The following VAV3 variants were observed in gnomAD, a reference collection of about 807,000 sequenced individuals.
The protein encoded by VAV3 is vav guanine nucleotide exchange factor 3.
Under a neutral mutation model 131.2 loss-of-function variants are expected in VAV3, and 94 were observed. The observed-to-expected ratio is 0.72, with a 90% confidence interval of 0.61 to 0.85. VAV3 has a LOEUF of 0.85. VAV3 is among the 40% of genes least tolerant of loss of function. VAV3 has a pLI of 0.00. For synonymous variants in VAV3, 349 were observed against 342.0 expected (o/e 1.02, Z -0.22); for missense variants, 939 against 1,002.7 (o/e 0.94, Z 0.86).
intron 1 of VAV3, among the ~76,000 whole-genome samples, chr1:107,958,888 A>G (rs766672763): frequency 5.9e-5 from 9 of 152,310 alleles, no homozygotes; most frequent in Non-Finnish European, 5.9e-5. Flanking sequence ...CATATACACA[A>G]GAGTACCATA....
chr1:107,738,244 A>C (rs1328871359), intron 15 of VAV3, among the ~76,000 whole-genome samples: 1 of 152,140 alleles, frequency 6.6e-6, no homozygotes, highest in South Asian at 2.1e-4. Context: ...TAGGAGAAAA[A>C]CCTAATGTAA....
rs544068647 is a variant in VAV3 at position 107,606,334 on chromosome 1, T to C, written c.2016-3171A>G. On this transcript the variant is annotated intron_variant, in intron 22 of 26. Coordinates refer to ENST00000370056, the MANE Select transcript of VAV3 (RefSeq NM_006113.5). ...TCAATACCATTTCTAATTCTTTGTA[T>C]GTTGCCTGATTTTTTTCTCCCTAGA... Among the ~76,000 whole-genome samples the C allele has an allele frequency of 9.2e-5, 14 of 152,340 alleles. No homozygotes were observed. The East Asian group carries it at 2.5e-3, about 27-fold the overall frequency.
chr1:107,877,563 T>A (rs1670563831), intron 1 of VAV3, among the ~76,000 whole-genome samples: 1 of 152,176 alleles, frequency 6.6e-6, no homozygotes, highest in African/African-American at 2.4e-5. Flanking sequence ...GCCTTCCCCT[T>A]ACTTCTGGAA....
In VAV3 at chr1:107,781,561, TAAAC is replaced by T. The variant is rs779958809; in HGVS notation, c.322-2073_322-2070del. Among the ~76,000 whole-genome samples the T allele has an allele frequency of 2.4e-4, 37 of 152,182 alleles. 1 individual carries two copies. The highest frequency in any genetic ancestry group is 4.3e-4 in the Non-Finnish European group (29 of 67,984). ...TAAAAAATTAAGAAAATTTGTTACA[TAAAC>T]AAAAGAGAAGGGAGCAAAACTCTTT... On this transcript the variant is annotated intron_variant, in intron 2 of 26. Transcript: ENST00000370056.
At position 107,964,825 on chromosome 1, in the gene VAV3, C is replaced by T; in HGVS notation, c.45G>A (p.Lys15=). Residue 15 remains lysine, a synonymous_variant, in exon 1 of 27, where the codon AAG becomes AAA. Coordinates refer to ENST00000370056, the MANE Select transcript of VAV3 (RefSeq NM_006113.5). ...KQCAQWLIHC[K]VLPTNHRVTW... is the part of the protein sequence containing the mutation. ...TCACCCGGTGGTTGGTGGGCAGCAC[C>T]TTGCAATGGATGAGCCACTGCGCGC... 6.2e-7 allele frequency: 1 copy of T among 1,613,704 alleles called. No individual in the cohort carries two copies. The highest frequency in any genetic ancestry group is 1.1e-5 in the South Asian group (1 of 91,036).
intron 15 of VAV3, among the ~76,000 whole-genome samples, chr1:107,731,029 T>G (rs1662209102): frequency 6.6e-6 from 1 of 152,204 alleles, no homozygotes; most frequent in South Asian, 2.1e-4. Flanking sequence ...AGAATCAGAT[T>G]GGGCATTATC....
intron 25 of VAV3, among the ~76,000 whole-genome samples, chr1:107,577,812 G>A (rs1326419209): frequency 6.6e-6 from 1 of 152,076 alleles, no homozygotes; most frequent in African/African-American, 2.4e-5. Context: ...AGGATTTTTT[G>A]GGAAAGAGAA....
chr1:107,854,043 T>G (rs1451011860), intron 2 of VAV3, among the ~76,000 whole-genome samples: 2 of 152,156 alleles, frequency 1.3e-5, no homozygotes, highest in Non-Finnish European at 2.9e-5. Context: ...GCATGGCAGC[T>G]CACGCCTGTA....
chr1:107,872,417 A>G (rs750403462), intron 2 of VAV3, among the ~76,000 whole-genome samples: 38 of 152,332 alleles, frequency 2.5e-4, no homozygotes, highest in African/African-American at 9.1e-4. Flanking sequence ...AGGAGAGCAC[A>G]CATAGATATT....
chr1:107,575,310 C>T (rs1040880207), intron 25 of VAV3, among the ~76,000 whole-genome samples: 1 of 152,106 alleles, frequency 6.6e-6, no homozygotes, highest in African/African-American at 2.4e-5. Context: ...ATGGGAAACA[C>T]CAACCATCTG....
intron 15 of VAV3, among the ~76,000 whole-genome samples, chr1:107,725,084 C>G (rs1056918929): frequency 1.3e-5 from 2 of 152,144 alleles, no homozygotes; most frequent in African/African-American, 2.4e-5. Flanking sequence ...TAAAGCAAGA[C>G]AGTGACATCA....
chr1:107,786,319 T>TA (rs201951607), intron 2 of VAV3, among the ~76,000 whole-genome samples: 2,501 of 151,138 alleles, frequency 0.017, 20 homozygotes, highest in African/African-American at 0.02. Flanking sequence ...GAACTTCCTT[T>TA]AAAAAAAAAG....
chr1:107,804,307 C>T (rs1666960555), intron 2 of VAV3, among the ~76,000 whole-genome samples: 1 of 152,098 alleles, frequency 6.6e-6, no homozygotes, highest in Non-Finnish European at 1.5e-5. Flanking sequence ...TGCTTTGTAA[C>T]TCCGTTCTTC....
intron 25 of VAV3, among the ~76,000 whole-genome samples, chr1:107,576,700 C>T (rs949388138): frequency 6.6e-6 from 1 of 152,122 alleles, no homozygotes; most frequent in Non-Finnish European, 1.5e-5. Flanking sequence ...ATCTTTGAAC[C>T]CCATCCATCC....
intron 1 of VAV3, among the ~76,000 whole-genome samples, chr1:107,934,382 A>AGATATATTT (rs1673606581): frequency 1.3e-5 from 2 of 152,230 alleles, no homozygotes; most frequent in Non-Finnish European, 2.9e-5. Flanking sequence ...ACAGAGCAGA[A>AGATATATTT]GATATATTTT....
At chr1:107,787,588 C>T (rs1329893271) in intron 2 of VAV3, among the ~76,000 whole-genome samples, 2 of 152,142 alleles carry the variant, frequency 1.3e-5, no homozygotes, top group African/African-American at 4.8e-5. Context: ...GTTTGATGGG[C>T]AAGAATGACC....
At chr1:107,638,860 A>T (rs1181777782) in intron 20 of VAV3, among the ~76,000 whole-genome samples, 1 of 152,184 alleles carries the variant, frequency 6.6e-6, no homozygotes, top group Non-Finnish European at 1.5e-5. Context: ...ATAACAGTCC[A>T]GAAACAGACC....
chr1:107,643,755 G>T (rs1655524936), intron 19 of VAV3, among the ~76,000 whole-genome samples: 1 of 152,092 alleles, frequency 6.6e-6, no homozygotes, highest in African/African-American at 2.4e-5. Flanking sequence ...AAAGCTACAT[G>T]AAATGCTTCA....
intron 2 of VAV3, among the ~76,000 whole-genome samples, chr1:107,819,056 G>A (rs1667680731): frequency 6.6e-6 from 1 of 151,938 alleles, no homozygotes; most frequent in African/African-American, 2.4e-5. Flanking sequence ...TTTAACTCAA[G>A]TTTGGAAAAA....
Sources: allele counts gnomAD v4.1 joint callset (sites outside exome capture counted in the v4.1 genomes callset), GRCh38; gene constraint gnomAD v4.1.1; transcripts MANE v1.5; gene names NCBI Gene and HGNC (gene_info 2026-07-23, HGNC 2026-07-21).